The following CELF2 variants were observed in gnomAD, a reference collection of about 807,000 sequenced individuals.
CELF2 encodes the protein CUGBP Elav-like family member 2, also known as CUG triplet repeat RNA-binding protein 2.
A neutral mutation model predicts 62.6 loss-of-function variants in CELF2; 8 were observed. That is an observed-to-expected ratio of 0.13 (90% CI 0.07 to 0.23). CELF2 has a LOEUF of 0.23. Among genes scored for constraint, CELF2 ranks in the 10% least tolerant of loss-of-function variants. The pLI, the probability that CELF2 is intolerant of heterozygous loss-of-function variation, is 1.00. For missense variants in CELF2, 333 were observed against 671.0 expected (o/e 0.50, Z 5.56); for synonymous variants, 258 against 250.0 (o/e 1.03, Z -0.30).
At chr10:10,490,719 C>T in the CELF2 span, among the ~76,000 whole-genome samples, 1 of 151,940 alleles carries the variant, frequency 6.6e-6, no homozygotes, top group South Asian at 2.1e-4. Flanking sequence ...GAGCATAAGC[C>T]CCTAGACTGG....
intron 2 of CELF2, among the ~76,000 whole-genome samples, chr10:11,210,305 T>C (rs1589119117): frequency 6.6e-6 from 1 of 152,340 alleles, no homozygotes; most frequent in South Asian, 2.1e-4. Context: ...TAGGTTTTCA[T>C]ATATGTAAGA....
chr10:11,033,782 A>C (rs2060521099), intron 1 of CELF2, among the ~76,000 whole-genome samples: 1 of 152,254 alleles, frequency 6.6e-6, no homozygotes. Flanking sequence ...AGTGTGAGTC[A>C]GAAAATACAT....
At chr10:10,611,545 G>A in the CELF2 span, among the ~76,000 whole-genome samples, 1 of 152,064 alleles carries the variant, frequency 6.6e-6, no homozygotes, top group Non-Finnish European at 1.5e-5. Context: ...GTAACAAAAC[G>A]TAACTGAGAT....
chr10:11,173,849 A>G (rs769717349), intron 2 of CELF2, among the ~76,000 whole-genome samples: 22 of 152,232 alleles, frequency 1.4e-4, no homozygotes, highest in Non-Finnish European at 2.2e-4. Context: ...AAGATAATTG[A>G]CCAAAAGGGA....
intron 5 of CELF2, among the ~76,000 whole-genome samples, chr10:11,259,087 A>C (rs934405289): frequency 2.0e-5 from 3 of 152,222 alleles, no homozygotes; most frequent in Admixed American, 2.0e-4. Context: ...GGGGCAAATG[A>C]GGAACTTGGT....
Position 11,305,695 on chromosome 10 carries a change from C to T in CELF2, c.977-8444C>T, listed in dbSNP as rs1417064117. Among the ~76,000 whole-genome samples the T allele has an allele frequency of 6.6e-6, 1 of 152,216 alleles. No individual in the cohort carries two copies. The highest frequency in any genetic ancestry group is 2.4e-5 in the African/African-American group (1 of 41,450). The stretch of plus-strand genomic sequence containing the variant: ...CAGTGTTAACCTAAGACAAGAATCT[C>T]TTCTGGGTGTAGTGTTCATCCCAGA... On this transcript the variant is annotated intron_variant, in intron 9 of 12. Coordinates refer to ENST00000633077, the MANE Select transcript of CELF2 (RefSeq NM_001326342.2). The surrounding 1 kb of genome is among the most constrained non-coding windows in gnomAD (Gnocchi z 4.8).
chr10:10,474,211 G>T, the CELF2 span, among the ~76,000 whole-genome samples: 2 of 152,056 alleles, frequency 1.3e-5, no homozygotes, highest in Non-Finnish European at 2.9e-5. Context: ...AGGAGGCAGA[G>T]GCAGGATGAC....
At chr10:11,036,666 T>C (rs2061000387) in intron 1 of CELF2, among the ~76,000 whole-genome samples, 1 of 152,190 alleles carries the variant, frequency 6.6e-6, no homozygotes, top group South Asian at 2.1e-4. Context: ...CTCAGACCAA[T>C]CTCCTATGGG....
chr10:10,657,938 T>A, the CELF2 span, among the ~76,000 whole-genome samples: 1 of 152,252 alleles, frequency 6.6e-6, no homozygotes, highest in Admixed American at 6.5e-5. Flanking sequence ...TGTTATTAAC[T>A]TTTACTTTTA....
At chr10:11,032,630 C>T (rs2060309033) in intron 1 of CELF2, among the ~76,000 whole-genome samples, 1 of 152,154 alleles carries the variant, frequency 6.6e-6, no homozygotes, top group Admixed American at 6.5e-5. Context: ...TACGTGGTAT[C>T]TCACGATGTT....
chr10:11,292,120 A>G (rs1340415284), intron 9 of CELF2, among the ~76,000 whole-genome samples: 1 of 152,142 alleles, frequency 6.6e-6, no homozygotes, highest in Admixed American at 6.5e-5. Context: ...CATTCCCACC[A>G]TTGACCCTTC....
chr10:10,596,536 G>T, the CELF2 span, among the ~76,000 whole-genome samples: 1 of 152,180 alleles, frequency 6.6e-6, no homozygotes, highest in Non-Finnish European at 1.5e-5. Flanking sequence ...ACCATAGGTG[G>T]CCTAGGAGTA....
In CELF2 at chr10:11,041,202, T is replaced by G. The variant is rs576568130; in HGVS notation, c.74+23039T>G. On this transcript the variant is annotated intron_variant, in intron 1 of 12. Transcript: ENST00000633077. ...ATCACGGGAGCTCCGCCCTTGTGAC[T>G]ACAACTCAATCTACTTCCCAAAGGC... Among the ~76,000 whole-genome samples, 13 of 152,310 alleles carry G rather than the reference T, an allele frequency of 8.5e-5. No homozygotes were observed. In the South Asian group the frequency reaches 2.5e-3, roughly 29 times the overall value.
chr10:10,791,370 C>T, the CELF2 span, among the ~76,000 whole-genome samples: 1 of 151,404 alleles, frequency 6.6e-6, no homozygotes, highest in African/African-American at 2.4e-5. Flanking sequence ...CGGGGTACAG[C>T]TACCAATTTC....
chr10:11,016,271 A>G (rs2057240306), upstream of CELF2, among the ~76,000 whole-genome samples: 1 of 152,228 alleles, frequency 6.6e-6, no homozygotes, highest in South Asian at 2.1e-4. This position sits in a 1 kb window ranked among gnomAD's most constrained non-coding sequence, Gnocchi z 5.2. Flanking sequence ...CTTTGGGAGT[A>G]TAAGAATTCA....
At chr10:10,546,447 T>C in the CELF2 span, among the ~76,000 whole-genome samples, 2 of 152,166 alleles carry the variant, frequency 1.3e-5, no homozygotes, top group South Asian at 2.1e-4. Context: ...TTCATGGTCA[T>C]TGGTGAGTTT....
chr10:10,625,579 C>T, the CELF2 span, among the ~76,000 whole-genome samples: 1 of 152,190 alleles, frequency 6.6e-6, no homozygotes, highest in African/African-American at 2.4e-5. Context: ...AGGTTTTCCC[C>T]ATAATGAAAT....
the CELF2 span, among the ~76,000 whole-genome samples, chr10:10,474,591 T>C: frequency 6.6e-6 from 1 of 151,988 alleles, no homozygotes; most frequent in African/African-American, 2.4e-5. Flanking sequence ...TTCAATATAA[T>C]TTTTGTGTGA....
chr10:10,855,009 A>G lies in CELF2; in HGVS notation c.53+56192A>G, dbSNP rs115169829. Among the ~76,000 whole-genome samples, 1,160 of 152,238 alleles carry G rather than the reference A, an allele frequency of 7.6e-3. 14 individuals are homozygous for G. The highest frequency in any genetic ancestry group is 0.027 in the African/African-American group (1,102 of 41,544). ...TCTGCCCAACAAACAGAAGTCAGTC[A>G]AAGTCAATCTTCACCTGCTGGGGAA... On this transcript the variant is annotated intron_variant, in intron 1 of 13. Coordinates refer to the CELF2 transcript ENST00000636488.
Sources: gnomAD v4.1 joint callset for allele counts (sites outside exome capture counted in the v4.1 genomes callset) on GRCh38, gnomAD v4.1.1 for gene constraint, Gnocchi (gnomAD v3.1) non-coding constraint, MANE v1.5 for transcripts, NCBI Gene and HGNC (gene_info 2026-07-23, HGNC 2026-07-21) for gene names.